CACNG6: variants seen among roughly 807,000 people sequenced by gnomAD.
CACNG6 encodes calcium voltage-gated channel auxiliary subunit gamma 6.
A neutral mutation model predicts 23.9 loss-of-function variants in CACNG6; 21 were observed. The ratio of observed to expected loss-of-function variants is 0.88; its 90% CI spans 0.62 to 1.26. CACNG6 has a LOEUF of 1.26. CACNG6 is among the 50% of genes most tolerant of loss of function. The pLI is 0.00. For missense variants in CACNG6, 340 were observed against 352.9 expected, an observed-to-expected ratio of 0.96 and a Z score of 0.29; for synonymous variants, 182 against 168.9, an observed-to-expected ratio of 1.08 and a Z score of -0.60.
rs1045027143 is a variant in CACNG6 at position 54,004,353 on chromosome 19, G to T, written c.544+4582G>T. On this transcript the variant is annotated intron_variant, in intron 3 of 3. Transcript: ENST00000252729. ...TGTATTTTTGTGTGTGTGTGTGTGTGTGTGTGTGTGTGTGTGTGTGTGTGT... is the reference window on the plus strand; with the variant it reads ...TGTATTTTTGTGTGTGTGTGTGTGTTTGTGTGTGTGTGTGTGTGTGTGTGT... 3.3e-3 allele frequency among the ~76,000 whole-genome samples: 402 copies of T among 120,318 alleles called. 12 individuals are homozygous for T. Among genetic ancestry groups the T allele is most frequent in the African/African-American group, 0.016 (350 of 21,230 alleles). The allele number at this position is 120,318 out of a possible 152,430, so 78.9% of individuals were successfully genotyped here. A position where few individuals can be genotyped will look rare whatever the true frequency, so the allele number is the denominator to read the frequency against.
rs971078319 is a variant in CACNG6 at position 53,992,340 on chromosome 19, C to T, written c.-538C>T. On this transcript the variant is annotated 5_prime_UTR_variant, in exon 1 of 4. Transcript: ENST00000252729. The surrounding 1 kb of genome is among the most constrained non-coding windows in gnomAD (Gnocchi z 4.1). ...CCCAAGGGAACCCCGGCCACATCTC[C>T]TCCAAACACACACAGGACCTCAGGT... is the stretch of plus-strand genomic sequence containing the variant. The T allele has an allele frequency of 1.3e-5, 2 of 152,362 alleles. No individual in the cohort carries two copies. The highest frequency in any genetic ancestry group is 1.3e-4 in the Admixed American group (2 of 15,282). 9.4% of individuals were successfully genotyped at this position (152,362 alleles called of 1,614,324 possible).
intron 1 of CACNG6, among the ~76,000 whole-genome samples, chr19:53,996,302 C>T (rs2069520013): frequency 6.6e-6 from 1 of 152,072 alleles, no homozygotes; most frequent in African/African-American, 2.4e-5. Context: ...CTAAAATGCA[C>T]TTCAGAAAGT....
At chr19:53,998,401 T>C in intron 2 of CACNG6, 88 bp downstream of exon 2, 1 of 1,184,714 alleles carries the variant, frequency 8.4e-7, no homozygotes, top group Non-Finnish European at 1.2e-6. Context: ...TCCCCTCCTC[T>C]GCTTTACCCC....
At chr19:53,996,363 T>C (rs2069520519) in intron 1 of CACNG6, among the ~76,000 whole-genome samples, 1 of 151,408 alleles carries the variant, frequency 6.6e-6, no homozygotes, top group Non-Finnish European at 1.5e-5. Flanking sequence ...TTCTTCCTTT[T>C]TCTGTCTTTC....
intron 1 of CACNG6, among the ~76,000 whole-genome samples, chr19:53,995,396 CCATCAAAAGG>C (rs2069510372): frequency 6.6e-6 from 1 of 152,122 alleles, no homozygotes; most frequent in Admixed American, 6.5e-5. Context: ...TCACCACTGC[CCATCAAAAGG>C]CATCCCTGGC....
At chr19:53,998,116 T>A (rs2069538777) in intron 1 of CACNG6, 123 bp from the exon 2 acceptor site, 3 of 737,208 alleles carry the variant, frequency 4.1e-6, no homozygotes, top group Non-Finnish European at 2.2e-6. Context: ...ATTTTTCTCC[T>A]CTGTGTATCA....
chr19:53,995,641 G>A (rs1053719088), intron 1 of CACNG6, among the ~76,000 whole-genome samples: 5 of 152,192 alleles, frequency 3.3e-5, no homozygotes, highest in East Asian at 1.9e-4. Flanking sequence ...TGCACCCTTC[G>A]CTCAGTGACG....
chr19:54,003,800 C>T (rs765986982), intron 3 of CACNG6, among the ~76,000 whole-genome samples: 1 of 152,162 alleles, frequency 6.6e-6, no homozygotes, highest in Non-Finnish European at 1.5e-5. Context: ...CTATGCTTCT[C>T]CTTTTAACCT....
intron 3 of CACNG6, among the ~76,000 whole-genome samples, chr19:54,010,219 G>A: frequency 6.6e-6 from 1 of 151,696 alleles, no homozygotes. Flanking sequence ...TCTTCATGTT[G>A]GTCAGGCTGG....
At chr19:53,999,567 T>C in intron 2 of CACNG6, 67 bp from the exon 3 acceptor site, 3 of 1,557,948 alleles carry the variant, frequency 1.9e-6, no homozygotes, top group East Asian at 2.3e-5. Flanking sequence ...TCTGGGTTCC[T>C]ATGGGTGAAT....
intron 1 of CACNG6, among the ~76,000 whole-genome samples, chr19:53,996,417 T>C (rs932591966): frequency 2.0e-5 from 3 of 150,202 alleles, no homozygotes; most frequent in Admixed American, 6.7e-5. Flanking sequence ...TTTTGAGATG[T>C]AGTCTTGCTC....
At chr19:54,007,724 C>T (rs448545) in intron 3 of CACNG6, among the ~76,000 whole-genome samples, 246 of 150,670 alleles carry the variant, frequency 1.6e-3, no homozygotes, top group Non-Finnish European at 2.9e-3. Context: ...GTAGAAAGAT[C>T]CCGTCTCTAC....
intron 3 of CACNG6, among the ~76,000 whole-genome samples, chr19:54,009,024 C>T (rs1001958943): frequency 1.3e-5 from 2 of 152,218 alleles, no homozygotes; most frequent in African/African-American, 4.8e-5. Context: ...TGCGGCAGTT[C>T]ACCCCTGTAA....
At chr19:54,010,695 C>T (rs2069696440) in intron 3 of CACNG6, among the ~76,000 whole-genome samples, 2 of 152,076 alleles carry the variant, frequency 1.3e-5, no homozygotes, top group African/African-American at 2.4e-5. Context: ...CCACCTCAGC[C>T]TCCTGAGTAG....
Position 54,012,231 on chromosome 19 carries a change from G to A in CACNG6, c.*42G>A. On this transcript the variant is annotated 3_prime_UTR_variant, in exon 4 of 4. Transcript: ENST00000252729. ...TCTCTAAGCAACCACCGAGCCCTTT[G>A]ACCTTCTCCATTGTACCCCCAAGAT... is the stretch of plus-strand genomic sequence containing the variant. 1 of 901,574 alleles carries A rather than the reference G, an allele frequency of 1.1e-6. No homozygotes were observed. The highest frequency in any genetic ancestry group is 1.6e-6 in the Non-Finnish European group (1 of 628,834). 55.8% of individuals were successfully genotyped at this position (901,574 alleles called of 1,614,324 possible).
upstream of CACNG6, among the ~76,000 whole-genome samples, chr19:53,991,404 C>G (rs1462656869): frequency 6.6e-6 from 1 of 151,836 alleles, no homozygotes; most frequent in Non-Finnish European, 1.5e-5. Context: ...CTCTCGGCGC[C>G]GCTCTTGCCC....
At position 53,998,826 on chromosome 19, in the gene CACNG6, A is replaced by C. The variant is rs375666995; in HGVS notation, c.406+513A>C. ...GCACCTAGCTGTGCCTAGAGCTCTT[A>C]CCCCATCTCTGCCTATGCCACGTTC... On this transcript the variant is annotated intron_variant, in intron 2 of 3. Coordinates refer to ENST00000252729, the MANE Select transcript of CACNG6 (RefSeq NM_145814.2). 4.0e-5 allele frequency among the ~76,000 whole-genome samples: 6 copies of C among 151,238 alleles called. No individual in the cohort carries two copies. In the East Asian group the frequency reaches 9.8e-4, roughly 25 times the overall value.
upstream of CACNG6, among the ~76,000 whole-genome samples, chr19:53,991,599 TG>T (rs1232945490): frequency 0.028 from 95 of 3,386 alleles, no homozygotes; most frequent in Middle Eastern, 0.25. Context: ...GGGTGGGGGG[TG>T]GGCGGGTGGG....
chr19:54,012,567 T>G lies in CACNG6; in HGVS notation c.*378T>G, dbSNP rs995921629. The G allele has an allele frequency of 5.6e-6, 1 of 178,940 alleles. No individual in the cohort carries two copies. Among genetic ancestry groups the G allele is most frequent in the South Asian group, 2.0e-4 (1 of 5,016 alleles). The allele number at this position is 178,940 out of a possible 1,614,324, so 11.1% of individuals were successfully genotyped here. On this transcript the variant is annotated 3_prime_UTR_variant, in exon 4 of 4. Coordinates refer to ENST00000252729, the MANE Select transcript of CACNG6 (RefSeq NM_145814.2). ...GATCGATTCACTTGCCGGGAGAGAC[T>G]TTTTACAACTCATCTGCAGCTCCGG...
Sources: gnomAD v4.1 joint callset for allele counts (sites outside exome capture counted in the v4.1 genomes callset) on GRCh38, gnomAD v4.1.1 for gene constraint, Gnocchi (gnomAD v3.1) non-coding constraint, MANE v1.5 for transcripts, NCBI Gene and HGNC (gene_info 2026-07-23, HGNC 2026-07-21) for gene names.